Variants in DYRK4 observed in about 807,000 individuals in gnomAD.
The protein encoded by DYRK4 is dual specificity tyrosine-phosphorylation-regulated kinase 4.
DYRK4 carries 64 observed loss-of-function variants against 68.3 expected under a neutral mutation model. The observed-to-expected ratio is 0.94, with a 90% CI of 0.77 to 1.15. DYRK4 has a LOEUF of 1.15. Ranked by LOEUF, DYRK4 falls within the 50% of genes most tolerant of loss-of-function variation. The probability of loss-of-function intolerance (pLI) is 0.00; values close to 1 mark genes in which losing one functional copy is unlikely to be tolerated. For missense variants in DYRK4, 740 were observed against 764.7 expected, an observed-to-expected ratio of 0.97 and a Z score of 0.38; for synonymous variants, 274 against 289.9, an observed-to-expected ratio of 0.95 and a Z score of 0.56.
chr12:4,572,358 T>A (rs892555819), intron 2 of DYRK4, among the ~76,000 whole-genome samples: 38 of 152,264 alleles, frequency 2.5e-4, no homozygotes, highest in Admixed American at 1.7e-3. Flanking sequence ...CTTGGCTCAC[T>A]GCAAGCTCCA....
chr12:4,603,552 G>T, intron 10 of DYRK4: 1 of 195,516 alleles, frequency 5.1e-6, no homozygotes, highest in South Asian at 1.3e-4. Context: ...CCTCTCCTCC[G>T]CTTTCTAAGC....
intron 2 of DYRK4, among the ~76,000 whole-genome samples, chr12:4,579,880 AAC>A (rs1207203452): frequency 1.3e-5 from 2 of 151,602 alleles, no homozygotes; most frequent in South Asian, 4.2e-4. Flanking sequence ...TTCCTGGCAG[AAC>A]ACAAAGAGGT....
rs79655549 is a variant in DYRK4 at position 4,567,771 on chromosome 12, G to C, written c.39-184G>C. Among the ~76,000 whole-genome samples the C allele has an allele frequency of 4.5e-3, 684 of 152,246 alleles. 6 individuals are homozygous for C. The highest frequency in any genetic ancestry group is 0.016 in the African/African-American group (654 of 41,518). ...CTTCCTCCTTCCCTGGCTTCTGTCT[G>C]ACCTCCTGACCTCATGTGACCATCA... On this transcript the variant is annotated intron_variant, in intron 1 of 14. Transcript: ENST00000543431.
At chr12:4,596,411 C>G (rs1463979445) in intron 7 of DYRK4, 126 bp downstream of exon 7, 1 of 1,529,822 alleles carries the variant, frequency 6.5e-7, no homozygotes, top group Non-Finnish European at 8.7e-7. Flanking sequence ...TTTTCTCTTT[C>G]TACCCGTCTG....
chr12:4,587,583 A>G (rs779890008), intron 2 of DYRK4, among the ~76,000 whole-genome samples: 12 of 152,208 alleles, frequency 7.9e-5, no homozygotes, highest in Non-Finnish European at 1.0e-4. Flanking sequence ...GAGATTTGCA[A>G]TTGCAATATT....
chr12:4,606,525 G>T (rs1945153942), intron 11 of DYRK4, among the ~76,000 whole-genome samples: 2 of 152,146 alleles, frequency 1.3e-5, no homozygotes, highest in South Asian at 4.1e-4. Context: ...TTAAACCTGG[G>T]GTCTTAGTCC....
chr12:4,567,920 T>G, intron 1 of DYRK4, 35 bp from the exon 2 acceptor site: 1 of 1,518,976 alleles, frequency 6.6e-7, no homozygotes, highest in South Asian at 1.2e-5. Flanking sequence ...ATTTGACTCC[T>G]CCTGCCAATT....
intron 2 of DYRK4, among the ~76,000 whole-genome samples, chr12:4,573,736 C>A (rs12368152): frequency 0.44 from 66,759 of 151,962 alleles, 14,995 homozygotes; most frequent in Middle Eastern, 0.49. Flanking sequence ...TTTATGTAGC[C>A]AGGCACCTGA....
chr12:4,573,666 A>G (rs1013012246), intron 2 of DYRK4, among the ~76,000 whole-genome samples: 1 of 152,112 alleles, frequency 6.6e-6, no homozygotes, highest in African/African-American at 2.4e-5. Context: ...GCTTCTTTCA[A>G]CAGTGTTGAG....
intron 1 of DYRK4, chr12:4,563,015 A>G (rs12300102): frequency 0.017 from 7,693 of 455,690 alleles, 450 homozygotes; most frequent in African/African-American, 0.13. Context: ...GTCTTAAGCA[A>G]CGGACAGCAT....
At chr12:4,586,209 A>G (rs769346512) in intron 2 of DYRK4, among the ~76,000 whole-genome samples, 3 of 152,138 alleles carry the variant, frequency 2.0e-5, no homozygotes, top group Non-Finnish European at 4.4e-5. Context: ...ACAAGAAAAG[A>G]GCCTCGTTGG....
intron 10 of DYRK4, chr12:4,602,835 C>G (rs1400039928): frequency 1.5e-5 from 20 of 1,291,128 alleles, no homozygotes; most frequent in Non-Finnish European, 2.1e-5. Context: ...TTTTCTTGTC[C>G]CAAATCATTG....
At chr12:4,595,088 C>T (rs1325161549) in intron 6 of DYRK4, among the ~76,000 whole-genome samples, 1 of 152,216 alleles carries the variant, frequency 6.6e-6, no homozygotes, top group African/African-American at 2.4e-5. Context: ...TAAGAAAACA[C>T]ATATGTAATT....
At chr12:4,586,004 A>G (rs920829918) in intron 2 of DYRK4, among the ~76,000 whole-genome samples, 1 of 152,156 alleles carries the variant, frequency 6.6e-6, no homozygotes, top group African/African-American at 2.4e-5. Context: ...GCTTGAGCTC[A>G]GGAGTTTGAG....
At chr12:4,571,087 A>T (rs1944725900) in intron 2 of DYRK4, among the ~76,000 whole-genome samples, 1 of 152,234 alleles carries the variant, frequency 6.6e-6, no homozygotes, top group Non-Finnish European at 1.5e-5. Flanking sequence ...GCATTGCCTC[A>T]GCTGGTTTCT....
At chr12:4,598,165 C>T (rs1945039778) in intron 8 of DYRK4, among the ~76,000 whole-genome samples, 1 of 151,928 alleles carries the variant, frequency 6.6e-6, no homozygotes, top group African/African-American at 2.4e-5. Flanking sequence ...CACTTGAGTC[C>T]GAAAGTTTGA....
intron 12 of DYRK4, among the ~76,000 whole-genome samples, chr12:4,609,512 C>A (rs568544777): frequency 1.3e-5 from 2 of 152,244 alleles, no homozygotes; most frequent in East Asian, 3.9e-4. Context: ...TAGTTAATAC[C>A]CCTAATTAGC....
intron 4 of DYRK4, chr12:4,590,656 T>A (rs1944943476): frequency 1.0e-6 from 1 of 987,712 alleles, no homozygotes; most frequent in Non-Finnish European, 1.3e-6. Context: ...TCTAGAGCTG[T>A]CAGGAGGATT....
Position 4,577,281 on chromosome 12 carries a change from C to A in DYRK4, c.132+9233C>A, listed in dbSNP as rs149783348. ...AATAAGTCTTGCTACATTTCCCAGG[C>A]TGGTCTCAAACTCATGACCTCAAGT... On this transcript the variant is annotated intron_variant, in intron 2 of 14. Transcript: ENST00000543431. 8.9e-3 allele frequency among the ~76,000 whole-genome samples: 1,358 copies of A among 152,276 alleles called. 21 individuals are homozygous for A. The highest frequency in any genetic ancestry group is 0.031 in the African/African-American group (1,269 of 41,546).
Sources: gnomAD v4.1 joint callset for allele counts (sites outside exome capture counted in the v4.1 genomes callset) on GRCh38, gnomAD v4.1.1 for gene constraint, MANE v1.5 for transcripts, NCBI Gene and HGNC (gene_info 2026-07-23, HGNC 2026-07-21) for gene names.